DEUP1: variants seen among roughly 807,000 people sequenced by gnomAD.
The protein encoded by DEUP1 is coiled-coil domain containing 67.
Under a neutral mutation model 87.4 loss-of-function variants are expected in DEUP1, and 82 were observed. The observed-to-expected ratio is 0.94, with a 90% confidence interval of 0.78 to 1.13. DEUP1 has a LOEUF of 1.13. Ranked by LOEUF, DEUP1 falls within the 50% of genes most tolerant of loss-of-function variation. The pLI, the probability that DEUP1 is intolerant of heterozygous loss-of-function variation, is 0.00. For synonymous variants in DEUP1, 214 were observed against 222.7 expected, an observed-to-expected ratio of 0.96 and a Z score of 0.35; for missense variants, 663 against 681.5, an observed-to-expected ratio of 0.97 and a Z score of 0.30.
intron 9 of DEUP1, among the ~76,000 whole-genome samples, chr11:93,389,760 A>G (rs762229636): frequency 6.6e-6 from 1 of 152,248 alleles, no homozygotes; most frequent in Admixed American, 6.5e-5. Context: ...TGGCTCCAGT[A>G]TCCATACTCT....
intron 2 of DEUP1, among the ~76,000 whole-genome samples, chr11:93,350,937 C>G (rs1314864223): frequency 6.6e-6 from 1 of 150,880 alleles, no homozygotes; most frequent in African/African-American, 2.4e-5. Flanking sequence ...GCCTGGGCAA[C>G]AGAGCGAGAC....
intron 9 of DEUP1, among the ~76,000 whole-genome samples, chr11:93,394,137 A>T (rs1191124875): frequency 6.6e-6 from 1 of 152,162 alleles, no homozygotes; most frequent in Non-Finnish European, 1.5e-5. Flanking sequence ...TTTTAAAGCC[A>T]ATTTTTTTCT....
At chr11:93,362,112 CT>C (rs576944328) in intron 4 of DEUP1, among the ~76,000 whole-genome samples, 250 of 152,014 alleles carry the variant, frequency 1.6e-3, no homozygotes, top group African/African-American at 5.6e-3. Context: ...CTAAAAAGCT[CT>C]TAGAAGAAAA....
chr11:93,402,802 G>A (rs887832791), intron 11 of DEUP1, among the ~76,000 whole-genome samples: 2 of 151,990 alleles, frequency 1.3e-5, no homozygotes, highest in Non-Finnish European at 2.9e-5. Flanking sequence ...TCACTCATAT[G>A]TGGGAGCTGA....
At chr11:93,335,881 A>G (rs1445312542) in intron 2 of DEUP1, among the ~76,000 whole-genome samples, 1 of 152,146 alleles carries the variant, frequency 6.6e-6, no homozygotes, top group East Asian at 1.9e-4. Flanking sequence ...TTGGGAAGCC[A>G]AGGCAGGTGG....
chr11:93,369,246 A>G lies in DEUP1; in HGVS notation c.433-827A>G, dbSNP rs114857522. ...CTCTCATGACTTAATTACCTCCCAA[A>G]GGCCCCATTTCATAATGCTGTCACT... On this transcript the variant is annotated intron_variant, in intron 5 of 13. Coordinates refer to ENST00000298050, the MANE Select transcript of DEUP1 (RefSeq NM_181645.4). Among the ~76,000 whole-genome samples the G allele has an allele frequency of 3.4e-3, 512 of 152,216 alleles. 1 individual carries two copies. Among genetic ancestry groups the G allele is most frequent in the African/African-American group, 0.012 (489 of 41,546 alleles).
intron 12 of DEUP1, among the ~76,000 whole-genome samples, chr11:93,412,255 C>T (rs768060159): frequency 1.9e-4 from 29 of 152,226 alleles, no homozygotes; most frequent in Admixed American, 5.2e-4. Flanking sequence ...AGCAAAGCAA[C>T]TGGGGCCTGC....
chr11:93,394,746 C>T (rs1946883631), intron 10 of DEUP1, 90 bp downstream of exon 10: 1 of 836,190 alleles, frequency 1.2e-6, no homozygotes, highest in African/African-American at 1.7e-5. Flanking sequence ...GAAAACATTA[C>T]ATTTCTTGGT....
chr11:93,430,771 A>T (rs1310738551), intron 13 of DEUP1, among the ~76,000 whole-genome samples: 1 of 152,190 alleles, frequency 6.6e-6, no homozygotes, highest in East Asian at 1.9e-4. Context: ...AAGAGGAGAA[A>T]AATTAATGAT....
intron 5 of DEUP1, among the ~76,000 whole-genome samples, chr11:93,367,150 T>C (rs1334111513): frequency 6.6e-6 from 1 of 152,168 alleles, no homozygotes; most frequent in Non-Finnish European, 1.5e-5. Context: ...TCTTTCCATA[T>C]TTCTTCTTCG....
intron 2 of DEUP1, among the ~76,000 whole-genome samples, chr11:93,348,005 G>A (rs778951417): frequency 2.0e-5 from 3 of 152,150 alleles, no homozygotes; most frequent in Non-Finnish European, 2.9e-5. Context: ...CTCCCAAAGC[G>A]CCGGGATTAC....
intron 4 of DEUP1, among the ~76,000 whole-genome samples, chr11:93,358,736 C>A (rs1476916487): frequency 6.6e-6 from 1 of 152,112 alleles, no homozygotes; most frequent in East Asian, 1.9e-4. Flanking sequence ...GTGCGCACCG[C>A]CACACCCAGC....
intron 11 of DEUP1, among the ~76,000 whole-genome samples, chr11:93,400,699 T>C (rs1947089698): frequency 6.6e-6 from 1 of 152,172 alleles, no homozygotes; most frequent in African/African-American, 2.4e-5. Context: ...TATATGATAA[T>C]ATTTTATTTA....
At chr11:93,393,103 TTTG>T (rs1169744134) in intron 9 of DEUP1, among the ~76,000 whole-genome samples, 1 of 144,532 alleles carries the variant, frequency 6.9e-6, no homozygotes, top group African/African-American at 2.6e-5. Flanking sequence ...TTTTTTTTTT[TTTG>T]AGACAGGATC....
intron 7 of DEUP1, among the ~76,000 whole-genome samples, chr11:93,374,992 C>T (rs1945962443): frequency 6.7e-6 from 1 of 149,436 alleles, no homozygotes; most frequent in East Asian, 1.9e-4. Flanking sequence ...AGGTTTTTCA[C>T]ATCCTTGGGT....
At chr11:93,336,509 C>A (rs1943773980) in intron 2 of DEUP1, among the ~76,000 whole-genome samples, 2 of 152,174 alleles carry the variant, frequency 1.3e-5, no homozygotes, top group African/African-American at 4.8e-5. Context: ...TTGTCTCAGG[C>A]TAATCAGATT....
chr11:93,356,012 C>T (rs1481883203), intron 3 of DEUP1, among the ~76,000 whole-genome samples: 1 of 152,126 alleles, frequency 6.6e-6, no homozygotes, highest in Non-Finnish European at 1.5e-5. Flanking sequence ...ACCTGGGACA[C>T]CCACTTAAGA....
chr11:93,338,445 C>T (rs1261508035), intron 2 of DEUP1, among the ~76,000 whole-genome samples: 2 of 149,524 alleles, frequency 1.3e-5, no homozygotes, highest in Non-Finnish European at 1.5e-5. Context: ...CTTGCTCTGT[C>T]ACCCAGGCTG....
chr11:93,330,632 C>T (rs961517600), upstream of DEUP1: 2 of 152,650 alleles, frequency 1.3e-5, no homozygotes, highest in Admixed American at 6.6e-5. Flanking sequence ...CCTCGTTGGT[C>T]GCGCGGCGGG....
Sources: allele counts gnomAD v4.1 joint callset (sites outside exome capture counted in the v4.1 genomes callset), GRCh38; gene constraint gnomAD v4.1.1; transcripts MANE v1.5; gene names NCBI Gene and HGNC (gene_info 2026-07-23, HGNC 2026-07-21).